The following EIF2AK4 variants were observed in gnomAD, a reference collection of about 807,000 sequenced individuals.
EIF2AK4 encodes the protein eIF-2-alpha kinase GCN2.
A neutral mutation model predicts 211.1 loss-of-function variants in EIF2AK4; 139 were observed. The observed-to-expected ratio is 0.66, with a 90% CI of 0.57 to 0.76. The LOEUF (loss-of-function observed/expected upper bound fraction) is 0.76, where lower values mean the gene tolerates loss of function less well. Among genes scored for constraint, EIF2AK4 ranks in the 30% least tolerant of loss-of-function variants. EIF2AK4 has a pLI of 0.00. For synonymous variants in EIF2AK4, 710 were observed against 751.3 expected, an observed-to-expected ratio of 0.94 and a Z score of 0.90; for missense variants, 1,664 against 2,043.8, an observed-to-expected ratio of 0.81 and a Z score of 3.58.
At chr15:40,007,228 C>A (rs944046675) in intron 24 of EIF2AK4, among the ~76,000 whole-genome samples, 163 bp downstream of exon 24, 1 of 152,118 alleles carries the variant, frequency 6.6e-6, no homozygotes. Context: ...GCCACAGTAC[C>A]CCTTCCTGTA....
At chr15:39,969,233 A>G (rs1274421818) in intron 9 of EIF2AK4, among the ~76,000 whole-genome samples, 1 of 151,994 alleles carries the variant, frequency 6.6e-6, no homozygotes, top group Non-Finnish European at 1.5e-5. Context: ...AAGTAGAAGT[A>G]CCTTTCCTTT....
At position 39,943,369 on chromosome 15, in the gene EIF2AK4, T is replaced by TTG; in HGVS notation, c.258-13_258-12insGT. On this transcript the variant is annotated splice_polypyrimidine_tract_variant and intron_variant, in intron 2 of 38. Coordinates refer to ENST00000263791, the MANE Select transcript of EIF2AK4 (RefSeq NM_001013703.4). ...AGTAACTCTTTTTTTTTTTTTTTTT[T>TTG]TTGCCTTTTCCAGAGTTCCTGAAAT... The TTG allele has an allele frequency of 1.9e-5, 26 of 1,405,200 alleles. No individual in the cohort carries two copies. Among genetic ancestry groups the TTG allele is most frequent in the South Asian group, 8.6e-5 (6 of 69,964 alleles). 87.0% of individuals were successfully genotyped at this position (1,405,200 alleles called of 1,614,324 possible).
chr15:39,958,209 A>G (rs2034418459), intron 6 of EIF2AK4, among the ~76,000 whole-genome samples: 1 of 152,264 alleles, frequency 6.6e-6, no homozygotes, highest in Admixed American at 6.5e-5. Flanking sequence ...AGTGGGCAAT[A>G]TGAATTTTGT....
intron 1 of EIF2AK4, among the ~76,000 whole-genome samples, chr15:39,934,891 C>T (rs1389999134): frequency 6.6e-6 from 1 of 152,192 alleles, no homozygotes; most frequent in Non-Finnish European, 1.5e-5. Flanking sequence ...GCACCTTCCT[C>T]TAAGACATTT....
intron 24 of EIF2AK4, among the ~76,000 whole-genome samples, 172 bp downstream of exon 24, chr15:40,007,237 T>C (rs1567002630): frequency 6.6e-6 from 1 of 152,204 alleles, no homozygotes; most frequent in East Asian, 1.9e-4. Flanking sequence ...CCCCTTCCTG[T>C]AAGGTAACTA....
At chr15:39,940,281 A>G (rs72729458) in intron 2 of EIF2AK4, among the ~76,000 whole-genome samples, 2,336 of 152,358 alleles carry the variant, frequency 0.015, 20 homozygotes, top group Non-Finnish European at 0.018. Flanking sequence ...TCAGCACTTA[A>G]GCATGTCTAT....
intron 17 of EIF2AK4, 106 bp downstream of exon 17, chr15:39,992,335 T>A: frequency 1.1e-6 from 1 of 892,552 alleles, no homozygotes; most frequent in Non-Finnish European, 1.7e-6. Context: ...CGGCAGATTT[T>A]AATTGCTCCT....
intron 27 of EIF2AK4, 96 bp from the exon 28 acceptor site, chr15:40,016,406 C>T: frequency 7.1e-7 from 1 of 1,404,868 alleles, no homozygotes; most frequent in South Asian, 1.2e-5. Context: ...TCGTAGCATC[C>T]CATGTGCTCC....
At chr15:39,959,925 A>T (rs1437958628) in intron 6 of EIF2AK4, among the ~76,000 whole-genome samples, 2 of 152,180 alleles carry the variant, frequency 1.3e-5, no homozygotes, top group Non-Finnish European at 2.9e-5. Flanking sequence ...GCACTTTGGG[A>T]GGCCAAGGCG....
chr15:39,985,750 AT>A, intron 13 of EIF2AK4, 54 bp from the exon 14 acceptor site: 8 of 1,569,284 alleles, frequency 5.1e-6, no homozygotes, highest in Non-Finnish European at 6.1e-6. Context: ...GATGGTGATG[AT>A]TTTGCTTAAT....
chr15:39,976,072 T>C (rs940433718), intron 11 of EIF2AK4, among the ~76,000 whole-genome samples: 1 of 152,186 alleles, frequency 6.6e-6, no homozygotes, highest in African/African-American at 2.4e-5. Flanking sequence ...CTTTAGAAAA[T>C]AATTTTTAAT....
chr15:39,957,100 A>G (rs2034401879), intron 6 of EIF2AK4, among the ~76,000 whole-genome samples: 1 of 152,260 alleles, frequency 6.6e-6, no homozygotes, highest in Admixed American at 6.5e-5. Flanking sequence ...TGAAGTTGTC[A>G]GAGAATTTCA....
chr15:40,011,297 G>A lies in EIF2AK4; in HGVS notation c.3710G>A (p.Arg1237Lys), dbSNP rs759665094. Residue 1237 changes from arginine (R) to lysine (K), a missense_variant, in exon 27 of 39, where the codon AGG (arginine) becomes AAG (lysine). By Grantham distance (26) the Arg-to-Lys change is conservative. Around this residue, in one of 7 missense-constraint regions of EIF2AK4, gnomAD observed 622 missense variants for 796.8 expected, o/e 0.78. Transcript: ENST00000263791. ...LYDAVTEKLT[R>K]REVEAKFCNL... is the part of the protein sequence containing the mutation. ...CCACGTTAGACAGAGAAGCTGACGA[G>A]GAGAGAAGTGGAAGCTAAATTTTGT... 4 of 1,613,718 alleles carry A rather than the reference G, an allele frequency of 2.5e-6. No homozygotes were observed. In the African/African-American group the frequency reaches 5.3e-5, roughly 22 times the overall value.
At chr15:39,996,929 A>G in intron 18 of EIF2AK4, 35 bp from the exon 19 acceptor site, 1 of 1,406,982 alleles carries the variant, frequency 7.1e-7, no homozygotes, top group Non-Finnish European at 1.0e-6. Context: ...CTTTCATATC[A>G]AGGCTCTCTA....
At position 39,990,304 on chromosome 15, in the gene EIF2AK4, A is replaced by G. The variant is rs1173741066; in HGVS notation, c.2558A>G (p.Asn853Ser). ...ATTCACCGGGATTTGAAGCCTGTCAACATTTTTTTGGATTCTGATGACCAT... is the reference window on the plus strand; with the variant it reads ...ATTCACCGGGATTTGAAGCCTGTCAGCATTTTTTTGGATTCTGATGACCAT... The part of the protein sequence containing the change: ...GMIHRDLKPV[N>S]IFLDSDDHVK... The change falls in exon 16 of 39, where the codon AAC (asparagine) becomes AGC (serine). Residue 853 changes from asparagine (N) to serine (S), a missense_variant. Physicochemically the swap from Asn to Ser is conservative, Grantham distance 46. Around this residue, in one of 7 missense-constraint regions of EIF2AK4, gnomAD observed 622 missense variants for 796.8 expected, o/e 0.78. Coordinates refer to ENST00000263791, the MANE Select transcript of EIF2AK4 (RefSeq NM_001013703.4). 1.2e-6 allele frequency: 2 copies of G among 1,614,198 alleles called. No individual in the cohort carries two copies. Among genetic ancestry groups the G allele is most frequent in the Admixed American group, 1.7e-5 (1 of 60,026 alleles).
intron 33 of EIF2AK4, among the ~76,000 whole-genome samples, chr15:40,027,707 G>T (rs1248400483): frequency 6.6e-6 from 1 of 152,082 alleles, no homozygotes; most frequent in South Asian, 2.1e-4. Flanking sequence ...TGGCTAACAC[G>T]GTGAAACCCC....
At position 40,029,433 on chromosome 15, in the gene EIF2AK4, A is replaced by C. The variant is rs756038599; in HGVS notation, c.4530A>C (p.Gln1510His). The change falls in exon 34 of 39, where the codon CAA becomes CAC. Residue 1510 changes from glutamine to histidine, a missense_variant. Coordinates refer to ENST00000263791, the MANE Select transcript of EIF2AK4 (RefSeq NM_001013703.4). ...AAGCTTCCGATAATCTTGCAGTGCAAAATCTGAAGGGGTCATTTTCTAATG... is the reference window on the plus strand; with the variant it reads ...AAGCTTCCGATAATCTTGCAGTGCACAATCTGAAGGGGTCATTTTCTAATG... ...GREASDNLAVQNLKGSFSNAS... is the reference protein window; with the variant it reads ...GREASDNLAVHNLKGSFSNAS... 1.9e-6 allele frequency: 3 copies of C among 1,613,200 alleles called. No individual in the cohort carries two copies. In the Admixed American group the frequency reaches 5.0e-5, roughly 27 times the overall value.
At chr15:39,935,684 C>G (rs1002920854) in intron 1 of EIF2AK4, among the ~76,000 whole-genome samples, 11 of 152,136 alleles carry the variant, frequency 7.2e-5, no homozygotes, top group Admixed American at 2.0e-4. Context: ...ATCTACACAT[C>G]CAGGATTTCC....
At chr15:39,998,269 TGTTTTG>T (rs1566999158) in intron 19 of EIF2AK4, among the ~76,000 whole-genome samples, 7 of 118,374 alleles carry the variant, frequency 5.9e-5, no homozygotes, top group African/African-American at 8.5e-5. Flanking sequence ...TTTTTTTTTT[TGTTTTG>T]TTTTTTTTTG....
Sources: gnomAD v4.1 joint callset for allele counts (sites outside exome capture counted in the v4.1 genomes callset) on GRCh38, gnomAD v4.1.1 for gene constraint, gnomAD v4.1.1 regional missense constraint, MANE v1.5 for transcripts, NCBI Gene and HGNC (gene_info 2026-07-23, HGNC 2026-07-21) for gene names.